CEMIP2: variants seen among roughly 807,000 people sequenced by gnomAD.
CEMIP2 encodes cell migration inducing hyaluronidase 2, also known as cell surface hyaluronidase CEMIP2.
In CEMIP2, 79 loss-of-function variants were observed where a neutral mutation model predicts 146.9. That is an observed-to-expected ratio of 0.54 (90% CI 0.45 to 0.65). The LOEUF is 0.65. Among genes scored for constraint, CEMIP2 ranks in the 30% least tolerant of loss-of-function variants. The pLI is 0.00. For synonymous variants in CEMIP2, 601 were observed against 606.3 expected, an observed-to-expected ratio of 0.99 and a Z score of 0.13; for missense variants, 1,596 against 1,696.2, an observed-to-expected ratio of 0.94 and a Z score of 1.04.
Position 71,694,598 on chromosome 9 carries a change from TA to T in CEMIP2, c.3606del (p.Phe1202LeufsTer58). On this transcript the variant is annotated frameshift_variant, in exon 21 of 24. Transcript: ENST00000377044. LOFTEE classifies it high-confidence loss of function. ...CQGCGTRQVVFTSDPHKSYLP... is the reference protein window; with the variant it reads ...CQGCGTRQVVXTSDPHKSYLP... ...AGGTAACTTTTATGAGGATCACTAG[TA>T]AACACCACCTAGACAGAGAAGAAGT... 1 of 1,611,604 alleles carries T rather than the reference TA, an allele frequency of 6.2e-7. No homozygotes were observed. The highest frequency in any genetic ancestry group is 1.3e-5 in the African/African-American group (1 of 74,982).
In CEMIP2 at chr9:71,712,141, T is replaced by A. The variant is rs1330931337; in HGVS notation, c.2711A>T (p.Lys904Met). ...CCTGGGGGTTATCTGCCAGGAATTC[T>A]TCATGAGGAAGCCAATTGCACTGCT... ...RYSSAIGFLM[K>M]NSWQITPRNN... Residue 904 changes from lysine (K) to methionine (M), a missense_variant, in exon 16 of 24, where the codon AAG (lysine) becomes ATG (methionine). Transcript: ENST00000377044. The A allele has an allele frequency of 6.2e-7, 1 of 1,614,178 alleles. No individual in the cohort carries two copies. Among genetic ancestry groups the A allele is most frequent in the South Asian group, 1.1e-5 (1 of 91,056 alleles).
chr9:71,694,592 C>G lies in CEMIP2; in HGVS notation c.3613G>C (p.Asp1205His). Residue 1205 changes from aspartate (D) to histidine (H), a missense_variant, in exon 21 of 24, where the codon GAT (aspartate) becomes CAT (histidine). Transcript: ENST00000377044. ...CGTRQVVFTS[D>H]PHKSYLPVQF... ...ACAGGGAGGTAACTTTTATGAGGAT[C>G]ACTAGTAAACACCACCTAGACAGAG... is the stretch of plus-strand genomic sequence containing the variant. 7 of 1,612,424 alleles carry G rather than the reference C, an allele frequency of 4.3e-6. No homozygotes were observed. Among genetic ancestry groups the G allele is most frequent in the Non-Finnish European group, 5.9e-6 (7 of 1,178,578 alleles).
At chr9:71,690,278 C>A (rs780814579) in intron 21 of CEMIP2, 32 bp from the exon 22 acceptor site, 1 of 1,604,324 alleles carries the variant, frequency 6.2e-7, no homozygotes, top group Non-Finnish European at 8.5e-7. Flanking sequence ...CTGCTGTCAT[C>A]ATCATTTTGA....
At chr9:71,751,319 T>C (rs572444062) in intron 1 of CEMIP2, among the ~76,000 whole-genome samples, 44 of 152,336 alleles carry the variant, frequency 2.9e-4, no homozygotes, top group Non-Finnish European at 4.1e-4. Context: ...ACATCCCTGA[T>C]CTAATAAACC....
intron 5 of CEMIP2, among the ~76,000 whole-genome samples, chr9:71,737,323 G>A (rs1329731298): frequency 4.0e-5 from 6 of 151,168 alleles, no homozygotes; most frequent in African/African-American, 4.9e-5. Flanking sequence ...GTGGTGGCAC[G>A]TGCCTGTAGT....
chr9:71,701,472 A>C (rs1008426476), intron 18 of CEMIP2, among the ~76,000 whole-genome samples: 3 of 152,170 alleles, frequency 2.0e-5, no homozygotes, highest in Non-Finnish European at 4.4e-5. Flanking sequence ...AGACTTAGAC[A>C]CTCTAAAAAG....
intron 4 of CEMIP2, 41 bp from the exon 5 acceptor site, chr9:71,740,273 G>A (rs778518183): frequency 8.8e-6 from 14 of 1,596,670 alleles, no homozygotes; most frequent in Non-Finnish European, 1.2e-5. Context: ...TACTTGTCAT[G>A]GTATTCACAA....
intron 17 of CEMIP2, among the ~76,000 whole-genome samples, chr9:71,707,753 C>CGAAAAA (rs1822792646): frequency 6.6e-6 from 1 of 152,204 alleles, no homozygotes; most frequent in Admixed American, 6.5e-5. Flanking sequence ...GAACATCTAG[C>CGAAAAA]AGCAAATCAA....
chr9:71,741,184 GATT>G (rs1222571350), intron 4 of CEMIP2, among the ~76,000 whole-genome samples: 3 of 106,412 alleles, frequency 2.8e-5, no homozygotes, highest in African/African-American at 7.2e-5. Context: ...AACTGAGTTA[GATT>G]TTTTTTTTTT....
At chr9:71,693,014 G>C (rs114170019) in intron 21 of CEMIP2, among the ~76,000 whole-genome samples, 2 of 152,238 alleles carry the variant, frequency 1.3e-5, no homozygotes, top group East Asian at 3.9e-4. Flanking sequence ...CTTAAGTTCC[G>C]GAGCTGGATG....
At chr9:71,732,174 T>C (rs1439098447) in intron 7 of CEMIP2, among the ~76,000 whole-genome samples, 177 bp downstream of exon 7, 8 of 152,232 alleles carry the variant, frequency 5.3e-5, no homozygotes, top group Non-Finnish European at 1.5e-5. Context: ...CCAGGTCAAC[T>C]AACTGAAGTC....
chr9:71,724,638 T>A (rs1344777171), intron 11 of CEMIP2, among the ~76,000 whole-genome samples: 2 of 152,060 alleles, frequency 1.3e-5, no homozygotes, highest in African/African-American at 4.8e-5. Context: ...ATAAACCAAA[T>A]GTATTTATCA....
intron 21 of CEMIP2, among the ~76,000 whole-genome samples, chr9:71,692,189 T>C (rs755804148): frequency 6.0e-5 from 9 of 151,170 alleles, no homozygotes; most frequent in Admixed American, 2.6e-4. Flanking sequence ...AGATAATGAA[T>C]GTAAAAAGCA....
chr9:71,712,732 T>A (rs1201791894), intron 15 of CEMIP2, among the ~76,000 whole-genome samples: 2 of 152,200 alleles, frequency 1.3e-5, no homozygotes, highest in Non-Finnish European at 2.9e-5. Flanking sequence ...AAATGATACA[T>A]TTAAAAGTGT....
rs761085753 is a variant in CEMIP2, at chr9:71,709,241, T to C, written c.2985+18A>G. 6 of 1,612,890 alleles carry C rather than the reference T, an allele frequency of 3.7e-6. No individual in the cohort carries two copies. The highest frequency in any genetic ancestry group is 3.3e-5 in the Admixed American group (2 of 60,004). On this transcript the variant is annotated intron_variant, in intron 17 of 23. Coordinates refer to ENST00000377044, the MANE Select transcript of CEMIP2 (RefSeq NM_013390.3). ...GGAGCTGGTAGGAACTTGAGCATTATACATTTGCTAAGCCTACCTGTGCAT... is the reference window on the plus strand; with the variant it reads ...GGAGCTGGTAGGAACTTGAGCATTACACATTTGCTAAGCCTACCTGTGCAT...
chr9:71,739,400 C>CA lies in CEMIP2; in HGVS notation c.1204+662_1204+663insT, dbSNP rs1554686854. ...AAAAAAAAAAAAAAAAAGATGACTA[C>CA]TTTTTTTTTAGTGGTACTGGAGACA... On this transcript the variant is annotated intron_variant, in intron 5 of 23. Transcript: ENST00000377044. Among the ~76,000 whole-genome samples the CA allele has an allele frequency of 1.6e-4, 16 of 98,294 alleles. No homozygotes were observed. The East Asian group carries it at 4.9e-3, about 30-fold the overall frequency. The allele number at this position is 98,294 out of a possible 152,430, so 64.5% of individuals were successfully genotyped here.
rs1291177175 is a variant in CEMIP2 at position 71,704,727 on chromosome 9, ACCATAGG to A, written c.3055_3061del (p.Pro1019CysfsTer239). On this transcript the variant is annotated frameshift_variant, in exon 18 of 24. Transcript: ENST00000377044. LOFTEE classifies it high-confidence loss of function. ...AGCCTTCTGATTAATACCTCGGAGC[ACCATAGG>A]GTTGGACGGATACTCATCTCGTGTA... The A allele has an allele frequency of 6.2e-7, 1 of 1,614,204 alleles. No individual in the cohort carries two copies. Among genetic ancestry groups the A allele is most frequent in the South Asian group, 1.1e-5 (1 of 91,090 alleles).
intron 13 of CEMIP2, among the ~76,000 whole-genome samples, chr9:71,717,405 C>G (rs1823090051): frequency 6.6e-6 from 1 of 151,822 alleles, no homozygotes; most frequent in African/African-American, 2.4e-5. Flanking sequence ...AAAAAAAATA[C>G]ACACACACAT....
rs753056340 is a variant in CEMIP2, at chr9:71,734,863, C to G, written c.1336G>C (p.Glu446Gln). ...GAACAGGGAAGAAGAGTGAACTCCT[C>G]TGCTTGGTACATGGAATAGTCTGTG... Reference protein sequence around the residue: ...ASTDYSMYQAEEFTLLPCSEC... With the variant: ...ASTDYSMYQAQEFTLLPCSEC... The change falls in exon 6 of 24, where the codon GAG becomes CAG. Residue 446 changes from glutamate (E) to glutamine (Q), a missense_variant. Coordinates refer to ENST00000377044, the MANE Select transcript of CEMIP2 (RefSeq NM_013390.3). 32 of 1,613,944 alleles carry G rather than the reference C, an allele frequency of 2.0e-5. No homozygotes were observed. The highest frequency in any genetic ancestry group is 2.5e-5 in the Non-Finnish European group (30 of 1,180,016).
Sources: gnomAD v4.1 joint callset for allele counts (sites outside exome capture counted in the v4.1 genomes callset) on GRCh38, gnomAD v4.1.1 for gene constraint, MANE v1.5 for transcripts, NCBI Gene and HGNC (gene_info 2026-07-23, HGNC 2026-07-21) for gene names.